Variants in ARHGEF10L observed in about 807,000 individuals in gnomAD.
ARHGEF10L encodes the protein Rho guanine nucleotide exchange factor 10 like.
In ARHGEF10L, 69 loss-of-function variants were observed where a neutral mutation model predicts 141.2. The ratio of observed to expected loss-of-function variants is 0.49; its 90% CI spans 0.40 to 0.60. The LOEUF is 0.60. Ranked by LOEUF, ARHGEF10L falls within the 20% of genes least tolerant of loss-of-function variation. The pLI is 0.00. For synonymous variants in ARHGEF10L, 711 were observed against 718.5 expected, an observed-to-expected ratio of 0.99 and a Z score of 0.17; for missense variants, 1,482 against 1,734.3, an observed-to-expected ratio of 0.85 and a Z score of 2.58.
intron 1 of ARHGEF10L, among the ~76,000 whole-genome samples, chr1:17,564,504 C>T (rs2077671223): frequency 6.6e-6 from 1 of 152,186 alleles, no homozygotes; most frequent in African/African-American, 2.4e-5. Context: ...GAGTGTACCC[C>T]AGCAGCACAG....
chr1:17,602,150 G>A lies in ARHGEF10L; in HGVS notation c.281G>A (p.Gly94Glu). 6.3e-7 allele frequency: 1 copy of A among 1,579,072 alleles called. No homozygotes were observed. ...AGGGTGCCAGCCTGGGTGAGCAATGGGGATGCAGCGGACGCAGCCTTCTCC... is the reference window on the plus strand; with the variant it reads ...AGGGTGCCAGCCTGGGTGAGCAATGAGGATGCAGCGGACGCAGCCTTCTCC... ...GTGVPAWVSN[G>E]DAADAAFSGA... Residue 94 changes from glycine (G) to glutamate (E), a missense_variant, in exon 5 of 29, where the codon GGG (glycine) becomes GAG (glutamate). This residue lies in a region of ARHGEF10L where 232 missense variants were observed against 225.9 expected (regional missense o/e 1.03). Transcript: ENST00000361221.
chr1:17,646,871 G>A (rs2061636393), intron 21 of ARHGEF10L, among the ~76,000 whole-genome samples: 1 of 151,988 alleles, frequency 6.6e-6, no homozygotes, highest in African/African-American at 2.4e-5. Flanking sequence ...GGGAGGGAAG[G>A]GACCTTCGCA....
rs200021447 is a variant in ARHGEF10L, at chr1:17,697,413, C to G, written c.*33C>G. 4.3e-5 allele frequency: 67 copies of G among 1,551,076 alleles called. No individual in the cohort carries two copies. The Middle Eastern group carries it at 6.2e-4, about 14-fold the overall frequency. On this transcript the variant is annotated 3_prime_UTR_variant, in exon 29 of 29. Coordinates refer to ENST00000361221, the MANE Select transcript of ARHGEF10L (RefSeq NM_018125.4). The surrounding 1 kb of genome is among the most constrained non-coding windows in gnomAD (Gnocchi z 4.8). ...CCTCTCCCCTCAGAGGGCACAGCTG[C>G]AGGCCTGACCAAGGCCACGCCCGGC...
At chr1:17,672,524 G>A (rs1001127027) in intron 26 of ARHGEF10L, among the ~76,000 whole-genome samples, 5 of 152,140 alleles carry the variant, frequency 3.3e-5, no homozygotes, top group African/African-American at 9.7e-5. Context: ...AGGGTCTCGC[G>A]TCCTATCACT....
intron 1 of ARHGEF10L, among the ~76,000 whole-genome samples, chr1:17,578,832 G>A (rs987799425): frequency 6.6e-6 from 1 of 152,166 alleles, no homozygotes; most frequent in Non-Finnish European, 1.5e-5. Context: ...CTGAGATTTA[G>A]GTTAAAAAGG....
In ARHGEF10L at chr1:17,623,146, G is replaced by T; in HGVS notation, c.1171G>T (p.Glu391Ter). Residue 391 changes from glutamate (E) to a stop codon, truncating the protein, a stop_gained, in exon 12 of 29, where the codon GAG (glutamate) becomes TAG (stop). Transcript: ENST00000361221. LOFTEE classifies it high-confidence loss of function. The surrounding 1 kb of genome is among the most constrained non-coding windows in gnomAD (Gnocchi z 4.7). ...SSRVAEWDST[E>*]KIGDLFVASF... ...CCGCGTGGCTGAGTGGGATTCCACC[G>T]AGAAGATCGGGGACCTCTTCGTGGC... 6.2e-7 allele frequency: 1 copy of T among 1,613,658 alleles called. No homozygotes were observed. Among genetic ancestry groups the T allele is most frequent in the Non-Finnish European group, 8.5e-7 (1 of 1,179,846 alleles).
At chr1:17,640,438 C>T (rs904307048) in intron 21 of ARHGEF10L, 136 bp downstream of exon 21, 31 of 701,382 alleles carry the variant, frequency 4.4e-5, no homozygotes, top group Non-Finnish European at 2.1e-5. Flanking sequence ...GGAGGTGGTG[C>T]GGTGGAGAAA....
intron 1 of ARHGEF10L, among the ~76,000 whole-genome samples, chr1:17,566,995 G>A (rs889293854): frequency 1.3e-5 from 2 of 152,222 alleles, no homozygotes; most frequent in Non-Finnish European, 2.9e-5. Flanking sequence ...GACAAAGCAC[G>A]TGTGGAAGAT....
chr1:17,609,010 TGGCCTCAAGTGATCCACCTGCCTC>T (rs2059403132), intron 7 of ARHGEF10L, among the ~76,000 whole-genome samples: 1 of 152,202 alleles, frequency 6.6e-6, no homozygotes, highest in African/African-American at 2.4e-5. Flanking sequence ...CTCAAACTCC[TGGCCTCAAGTGATCCACCTGCCTC>T]GGCCTCCTAA....
In ARHGEF10L at chr1:17,664,457, G is replaced by C; in HGVS notation, c.2871G>C (p.Leu957=). 6.2e-7 allele frequency: 1 copy of C among 1,603,882 alleles called. No individual in the cohort carries two copies. Among genetic ancestry groups the C allele is most frequent in the African/African-American group, 1.3e-5 (1 of 75,026 alleles). The stretch of plus-strand genomic sequence containing the variant: ...CCTCTCTCCCTGCAGGAGGTGTCCT[G>C]TGGGACCTGGAGAGCCCTCCCGTGT... The part of the protein sequence containing the change: ...AAYPRTSGGV[L]WDLESPPVCL... The change falls in exon 26 of 29, where the codon CTG becomes CTC. Residue 957 remains leucine, a synonymous_variant. Coordinates refer to ENST00000361221, the MANE Select transcript of ARHGEF10L (RefSeq NM_018125.4).
At chr1:17,650,470 C>T (rs555911850) in intron 22 of ARHGEF10L, among the ~76,000 whole-genome samples, 5 of 151,674 alleles carry the variant, frequency 3.3e-5, no homozygotes, top group African/African-American at 9.7e-5. Context: ...AGGTAGCTCA[C>T]GTCTGTAATC....
chr1:17,606,886 T>G (rs1447963772), intron 6 of ARHGEF10L, among the ~76,000 whole-genome samples: 1 of 152,012 alleles, frequency 6.6e-6, no homozygotes, highest in Non-Finnish European at 1.5e-5. Flanking sequence ...CATAGCCGAG[T>G]TGAATGGGCC....
the ARHGEF10L span, among the ~76,000 whole-genome samples, chr1:17,520,118 C>T: frequency 6.6e-6 from 1 of 152,192 alleles, no homozygotes; most frequent in African/African-American, 2.4e-5. Context: ...GGTTCTTGCC[C>T]CTCCCTTCCT....
At chr1:17,634,084 G>C (rs1434562159) in intron 16 of ARHGEF10L, among the ~76,000 whole-genome samples, 1 of 152,166 alleles carries the variant, frequency 6.6e-6, no homozygotes, top group Non-Finnish European at 1.5e-5. Context: ...TCTGGGCAGG[G>C]CTTATGGCTG....
chr1:17,603,400 G>T lies in ARHGEF10L; in HGVS notation c.350-108G>T. ...AGGGCTGGGCTGGGCTATCAGAAAG[G>T]AGGGTGCTGCGTGCCACCAGCTGGT... On this transcript the variant is annotated intron_variant, in intron 5 of 28. Coordinates refer to ENST00000361221, the MANE Select transcript of ARHGEF10L (RefSeq NM_018125.4). The surrounding 1 kb of genome is among the most constrained non-coding windows in gnomAD (Gnocchi z 4.8). 1 of 774,472 alleles carries T rather than the reference G, an allele frequency of 1.3e-6. No homozygotes were observed. The highest frequency in any genetic ancestry group is 2.0e-5 in the South Asian group (1 of 49,570). The allele number at this position is 774,472 out of a possible 1,614,324, so 48.0% of individuals were successfully genotyped here. A position where few individuals can be genotyped will look rare whatever the true frequency, so the allele number is the denominator to read the frequency against.
At chr1:17,670,557 T>G (rs913417780) in intron 26 of ARHGEF10L, among the ~76,000 whole-genome samples, 1 of 152,204 alleles carries the variant, frequency 6.6e-6, no homozygotes, top group African/African-American at 2.4e-5. Context: ...ATAGCAGGCC[T>G]GCGGCACATG....
chr1:17,543,752 A>G (rs1040443533), intron 1 of ARHGEF10L, among the ~76,000 whole-genome samples: 3 of 151,692 alleles, frequency 2.0e-5, no homozygotes, highest in African/African-American at 7.3e-5. Context: ...GTTTCAAGTG[A>G]TTCTCCTGCC....
chr1:17,586,048 G>A (rs1270128274), intron 2 of ARHGEF10L, among the ~76,000 whole-genome samples: 1 of 152,182 alleles, frequency 6.6e-6, no homozygotes, highest in East Asian at 1.9e-4. Flanking sequence ...TGTCACAGCT[G>A]GAGGGTCCCC....
At chr1:17,541,193 C>A (rs2076715407) in intron 1 of ARHGEF10L, among the ~76,000 whole-genome samples, 1 of 152,182 alleles carries the variant, frequency 6.6e-6, no homozygotes, top group Admixed American at 6.5e-5. Context: ...GTGGGCTGTT[C>A]TCTCTATCCA....
Sources: gnomAD v4.1 joint callset for allele counts (sites outside exome capture counted in the v4.1 genomes callset) on GRCh38, gnomAD v4.1.1 for gene constraint, gnomAD v4.1.1 regional missense constraint, Gnocchi (gnomAD v3.1) non-coding constraint, MANE v1.5 for transcripts, NCBI Gene and HGNC (gene_info 2026-07-23, HGNC 2026-07-21) for gene names.